The following IL1B variants were observed in gnomAD, a reference collection of about 807,000 sequenced individuals.
The protein encoded by IL1B is interleukin-1 beta.
Under a neutral mutation model 26.2 loss-of-function variants are expected in IL1B, and 11 were observed. The observed-to-expected ratio is 0.42, with a 90% CI of 0.26 to 0.70. The LOEUF is 0.70. Among genes scored for constraint, IL1B ranks in the 30% least tolerant of loss-of-function variants. IL1B has a pLI of 0.25. For missense variants in IL1B, 255 were observed against 327.5 expected, an observed-to-expected ratio of 0.78 and a Z score of 1.71; for synonymous variants, 118 against 120.8, an observed-to-expected ratio of 0.98 and a Z score of 0.15.
At chr2:112,832,501 A>G (rs984664016) in intron 5 of IL1B, among the ~76,000 whole-genome samples, 161 bp downstream of exon 5, 2 of 152,086 alleles carry the variant, frequency 1.3e-5, no homozygotes, top group South Asian at 4.1e-4. Context: ...GTGCAATCAA[A>G]TGTGCCATTT....
In IL1B at chr2:112,831,553, A is replaced by G. The variant is rs1435849221; in HGVS notation, c.467-131T>C. On this transcript the variant is annotated intron_variant, in intron 5 of 6. Transcript: ENST00000263341. ...AACCCACAGTGAGGTTCCTTGGCCT[A>G]AGACACAGGATAACTTGACTTCTCA... is the stretch of plus-strand genomic sequence containing the variant. 5.2e-6 allele frequency: 5 copies of G among 955,832 alleles called. No homozygotes were observed. The African/African-American group carries it at 8.1e-5, about 16-fold the overall frequency. 59.2% of individuals were successfully genotyped at this position (955,832 alleles called of 1,614,324 possible). A position where few individuals can be genotyped will look rare whatever the true frequency, so the allele number is the denominator to read the frequency against.
At chr2:112,836,444 A>C in intron 1 of IL1B, 200 bp from the exon 2 acceptor site, 1 of 531,068 alleles carries the variant, frequency 1.9e-6, no homozygotes, top group Non-Finnish European at 3.5e-6. Context: ...TGGCTAGGAG[A>C]GCTGGAGCAG....
intron 6 of IL1B, chr2:112,831,062 G>T: frequency 3.8e-6 from 2 of 521,646 alleles, no homozygotes; most frequent in Non-Finnish European, 7.0e-6. Context: ...TGTTGGGGTT[G>T]TAACTATGGT....
intron 6 of IL1B, among the ~76,000 whole-genome samples, chr2:112,830,778 T>C (rs1372733170): frequency 2.0e-5 from 3 of 152,044 alleles, no homozygotes; most frequent in African/African-American, 4.8e-5. Context: ...TGCCAAATGC[T>C]GAGGAGCATA....
Position 112,830,486 on chromosome 2 carries a change from C to G in IL1B, c.685G>C (p.Glu229Gln). Residue 229 changes from glutamate (E) to glutamine (Q), a missense_variant, in exon 7 of 7, where the codon GAG becomes CAG. Glu to Gln is a conservative substitution (Grantham distance 29). Transcript: ENST00000263341. Reference sequence around the variant, plus strand: ...TACCAGTTGGGGAACTGGGCAGACTCAAATTCCAGCTTGTTATTGATTTCT... The same window carrying G: ...TACCAGTTGGGGAACTGGGCAGACTGAAATTCCAGCTTGTTATTGATTTCT... The part of the protein sequence containing the change: ...KIEINNKLEF[E>Q]SAQFPNWYIS... The G allele has an allele frequency of 6.2e-7, 1 of 1,613,980 alleles. No homozygotes were observed. The highest frequency in any genetic ancestry group is 8.5e-7 in the Non-Finnish European group (1 of 1,179,942).
chr2:112,835,238 G>A (rs1573279556), intron 3 of IL1B: 2 of 414,854 alleles, frequency 4.8e-6, no homozygotes, highest in East Asian at 1.1e-4. Flanking sequence ...CAAGTGATTG[G>A]CATAGGCTGA....
chr2:112,834,038 A>T (rs1024715949), intron 3 of IL1B, among the ~76,000 whole-genome samples: 1 of 152,098 alleles, frequency 6.6e-6, no homozygotes, highest in East Asian at 1.9e-4. Context: ...ATAAAATAAA[A>T]TAAAAAGATT....
intron 4 of IL1B, 133 bp from the exon 5 acceptor site, chr2:112,832,959 G>T (rs931683441): frequency 3.2e-5 from 27 of 835,892 alleles, no homozygotes; most frequent in Non-Finnish European, 5.0e-5. Context: ...CACCAGTAGG[G>T]ATGAAGCTGG....
chr2:112,836,092 A>G, intron 2 of IL1B, 91 bp downstream of exon 2: 1 of 1,240,580 alleles, frequency 8.1e-7, no homozygotes, highest in South Asian at 1.2e-5. Context: ...GAGGCAATTT[A>G]GGGGAAAAAT....
rs754871430 is a variant in IL1B at position 112,830,413 on chromosome 2, G to A, written c.758C>T (p.Thr253Ile). 2 of 1,613,972 alleles carry A rather than the reference G, an allele frequency of 1.2e-6. No individual in the cohort carries two copies. Among genetic ancestry groups the A allele is most frequent in the East Asian group, 2.2e-5 (1 of 44,886 alleles). Residue 253 changes from threonine (T) to isoleucine (I), a missense_variant, in exon 7 of 7, where the codon ACC becomes ATC. Physicochemically the swap from Thr to Ile is moderately conservative, Grantham distance 89. Transcript: ENST00000263341. ...GTCAGTTATATCCTGGCCGCCTTTG[G>A]TCCCTCCCAGGAAGACGGGCATGTT... ...AENMPVFLGG[T>I]KGGQDITDFT...
chr2:112,833,916 T>C (rs997133143), intron 3 of IL1B, among the ~76,000 whole-genome samples: 5 of 151,880 alleles, frequency 3.3e-5, no homozygotes, highest in African/African-American at 4.8e-5. Flanking sequence ...TCGCTTGAAC[T>C]CAGGAGGTGG....
chr2:112,836,613 AAG>A (rs3917347), intron 1 of IL1B, 93 bp downstream of exon 1: 5,044 of 274,300 alleles, frequency 0.018, no homozygotes, highest in South Asian at 0.033. Context: ...CAGAGAAAGA[AAG>A]AGAGAGAGAG....
At chr2:112,835,361 C>T in intron 3 of IL1B, 1 of 624,300 alleles carries the variant, frequency 1.6e-6, no homozygotes, top group East Asian at 2.8e-5. Flanking sequence ...GTGTGGCCAC[C>T]ACCACCAACG....
chr2:112,830,610 A>G (rs1681962723), intron 6 of IL1B, 37 bp from the exon 7 acceptor site: 4 of 1,405,846 alleles, frequency 2.8e-6, no homozygotes, highest in African/African-American at 1.4e-5. Flanking sequence ...TTGTGGGGCA[A>G]GGGACAAAGA....
rs1482565083 is a variant in IL1B at position 112,830,269 on chromosome 2, A to G, written c.*92T>C. ...TGTAGACAACAGGAAAGTCCAGGCT[A>G]TAGCCGTACTCAAAAACCTTTCTGT... On this transcript the variant is annotated 3_prime_UTR_variant, in exon 7 of 7. Coordinates refer to ENST00000263341, the MANE Select transcript of IL1B (RefSeq NM_000576.3). 2 of 1,066,050 alleles carry G rather than the reference A, an allele frequency of 1.9e-6. No individual in the cohort carries two copies. The highest frequency in any genetic ancestry group is 2.9e-6 in the Non-Finnish European group (2 of 682,944). The allele number at this position is 1,066,050 out of a possible 1,614,324, so 66.0% of individuals were successfully genotyped here.
intron 6 of IL1B, among the ~76,000 whole-genome samples, 196 bp from the exon 7 acceptor site, chr2:112,830,769 G>A (rs1275834832): frequency 6.6e-6 from 1 of 152,052 alleles, no homozygotes; most frequent in Non-Finnish European, 1.5e-5. Context: ...AAAACTTAGT[G>A]CCAAATGCTG....
intron 4 of IL1B, chr2:112,833,028 G>A: frequency 1.6e-6 from 1 of 642,676 alleles, no homozygotes; most frequent in Non-Finnish European, 2.8e-6. Context: ...CCAGCTTCAG[G>A]TCTATTACTG....
At chr2:112,833,265 G>C in intron 4 of IL1B, 109 bp downstream of exon 4, 2 of 1,004,074 alleles carry the variant, frequency 2.0e-6, no homozygotes, top group Non-Finnish European at 3.1e-6. Context: ...TCCCCGCTGG[G>C]CCTTCTACCT....
At chr2:112,833,867 C>T (rs1317694293) in intron 3 of IL1B, among the ~76,000 whole-genome samples, 1 of 152,042 alleles carries the variant, frequency 6.6e-6, no homozygotes, top group Non-Finnish European at 1.5e-5. Flanking sequence ...GTGGGGTGCA[C>T]CTGTAATCCT....
Sources: gnomAD v4.1 joint callset for allele counts (sites outside exome capture counted in the v4.1 genomes callset) on GRCh38, gnomAD v4.1.1 for gene constraint, MANE v1.5 for transcripts, NCBI Gene and HGNC (gene_info 2026-07-23, HGNC 2026-07-21) for gene names.